QTMAN: variants seen among roughly 807,000 people sequenced by gnomAD.
QTMAN encodes the protein tRNA-queuosine alpha-mannosyltransferase.
At chr2:144,046,998 TGG>T in the QTMAN span, among the ~76,000 whole-genome samples, 16 of 152,192 alleles carry the variant, frequency 1.1e-4, no homozygotes, top group Admixed American at 6.5e-4. Flanking sequence ...GGACCGGGCG[TGG>T]TGGCTCACAC....
chr2:144,116,436 C>T, the QTMAN span, among the ~76,000 whole-genome samples: 1 of 152,002 alleles, frequency 6.6e-6, no homozygotes, highest in Non-Finnish European at 1.5e-5. Flanking sequence ...TTTGTTTCTA[C>T]CCTTCTAAAA....
At chr2:144,073,955 A>T in the QTMAN span, among the ~76,000 whole-genome samples, 1 of 152,214 alleles carries the variant, frequency 6.6e-6, no homozygotes, top group Non-Finnish European at 1.5e-5. Flanking sequence ...CTGATTAAAT[A>T]CTTTATCCAG....
chr2:143,977,627 A>T, the QTMAN span, among the ~76,000 whole-genome samples: 1 of 152,152 alleles, frequency 6.6e-6, no homozygotes. Context: ...CTGTAGGCAG[A>T]CAGACAGAAG....
the QTMAN span, among the ~76,000 whole-genome samples, chr2:144,124,314 T>G: frequency 2.1e-4 from 32 of 152,310 alleles, no homozygotes; most frequent in Non-Finnish European, 8.8e-5. Context: ...ATCATTCATT[T>G]GAAATGGGAC....
chr2:144,141,652 T>G, the QTMAN span, among the ~76,000 whole-genome samples: 1 of 141,104 alleles, frequency 7.1e-6, no homozygotes, highest in Admixed American at 7.0e-5. Context: ...AACAAATAAA[T>G]AAAAGAAAAG....
At chr2:144,249,947 C>T in the QTMAN span, among the ~76,000 whole-genome samples, 15 of 151,924 alleles carry the variant, frequency 9.9e-5, no homozygotes, top group Non-Finnish European at 5.9e-5. Context: ...AAATGTAAAC[C>T]AATCTAAAAT....
the QTMAN span, among the ~76,000 whole-genome samples, chr2:144,318,193 A>AC: frequency 3.0e-5 from 4 of 134,308 alleles, 1 homozygote; most frequent in Admixed American, 1.5e-4. Flanking sequence ...CTATTTAAAT[A>AC]AACACACACA....
At chr2:144,070,135 A>C in the QTMAN span, among the ~76,000 whole-genome samples, 1 of 152,262 alleles carries the variant, frequency 6.6e-6, no homozygotes, top group South Asian at 2.1e-4. Context: ...AATTCTCAAA[A>C]ATATCTAACT....
chr2:144,223,801 T>C, the QTMAN span, among the ~76,000 whole-genome samples: 1 of 152,226 alleles, frequency 6.6e-6, no homozygotes, highest in African/African-American at 2.4e-5. Flanking sequence ...TTTAAAGTGT[T>C]GAGAATCCCA....
chr2:143,963,713 T>G, the QTMAN span: 1 of 152,182 alleles, frequency 6.6e-6, no homozygotes, highest in East Asian at 1.9e-4. Context: ...TCTTAAGAGA[T>G]ACCATCATTT....
At chr2:144,167,528 C>G in the QTMAN span, among the ~76,000 whole-genome samples, 2 of 152,124 alleles carry the variant, frequency 1.3e-5, no homozygotes, top group African/African-American at 4.8e-5. Context: ...AATTGAATCA[C>G]GGGGATGGTT....
At chr2:144,138,115 C>G in the QTMAN span, among the ~76,000 whole-genome samples, 2 of 151,968 alleles carry the variant, frequency 1.3e-5, no homozygotes, top group East Asian at 3.9e-4. Flanking sequence ...GATGAGGAAC[C>G]CAGCAAAGGA....
chr2:144,129,724 T>C, the QTMAN span, among the ~76,000 whole-genome samples: 3 of 152,038 alleles, frequency 2.0e-5, no homozygotes, highest in Non-Finnish European at 4.4e-5. Context: ...GTGCAGCTAG[T>C]GAGCTCACCT....
the QTMAN span, among the ~76,000 whole-genome samples, chr2:144,288,717 T>A: frequency 3.4e-3 from 522 of 152,290 alleles, 2 homozygotes; most frequent in African/African-American, 0.012. Context: ...CCTGGAATTG[T>A]CTACAGATCC....
chr2:144,228,199 G>A, the QTMAN span, among the ~76,000 whole-genome samples: 458 of 152,236 alleles, frequency 3.0e-3, no homozygotes, highest in Middle Eastern at 0.054. Context: ...TTAAATTAAT[G>A]TCAGTAAGAT....
chr2:144,082,012 C>T, the QTMAN span, among the ~76,000 whole-genome samples: 5 of 152,156 alleles, frequency 3.3e-5, no homozygotes, highest in Admixed American at 6.5e-5. Flanking sequence ...CTCAGCCTCC[C>T]GAGTACCTGG....
At chr2:144,058,814 T>G in the QTMAN span, among the ~76,000 whole-genome samples, 1 of 152,216 alleles carries the variant, frequency 6.6e-6, no homozygotes, top group Non-Finnish European at 1.5e-5. Context: ...CCTTCTTCCC[T>G]TCTTCTTAGC....
At chr2:144,202,595 A>G in the QTMAN span, among the ~76,000 whole-genome samples, 1 of 152,112 alleles carries the variant, frequency 6.6e-6, no homozygotes, top group Non-Finnish European at 1.5e-5. Flanking sequence ...TTTATATAGC[A>G]TATTTTGCAT....
At chr2:144,288,846 AC>A in the QTMAN span, among the ~76,000 whole-genome samples, 1 of 151,846 alleles carries the variant, frequency 6.6e-6, no homozygotes. Flanking sequence ...ACACTACTAC[AC>A]CCCAAGCCCC....
Sources: gnomAD v4.1 joint callset for allele counts (sites outside exome capture counted in the v4.1 genomes callset) on GRCh38, gnomAD v4.1.1 for gene constraint, MANE v1.5 for transcripts, NCBI Gene and HGNC (gene_info 2026-07-23, HGNC 2026-07-21) for gene names.